Variants in RORA observed in about 807,000 individuals in gnomAD.
The protein encoded by RORA is RAR related orphan receptor A.
Under a neutral mutation model 69.5 loss-of-function variants are expected in RORA, and 7 were observed. That is an observed-to-expected ratio of 0.10 (90% CI 0.06 to 0.19). The LOEUF is 0.19. Ranked by LOEUF, RORA falls within the 10% of genes least tolerant of loss-of-function variation. RORA has a pLI of 1.00. For synonymous variants in RORA, 261 were observed against 240.8 expected, an observed-to-expected ratio of 1.08 and a Z score of -0.78; for missense variants, 457 against 663.0, an observed-to-expected ratio of 0.69 and a Z score of 3.41.
chr15:60,512,390 G>A (rs192915178), intron 4 of RORA, among the ~76,000 whole-genome samples: 4 of 152,244 alleles, frequency 2.6e-5, no homozygotes, highest in Admixed American at 2.0e-4. Flanking sequence ...AGGTTTGAGC[G>A]ATCCTCCCGC....
At position 60,946,649 on chromosome 15, in the gene RORA, T is replaced by C. The variant is rs571420506; in HGVS notation, c.167-267963A>G. On this transcript the variant is annotated intron_variant, in intron 1 of 10. Coordinates refer to ENST00000335670, the MANE Select transcript of RORA (RefSeq NM_134261.3). The stretch of plus-strand genomic sequence containing the variant: ...CCACCTCCCAGCCGCCTGCCTTGGC[T>C]TCCCAAAGTGCCCAGATTGCAGCCT... Among the ~76,000 whole-genome samples the C allele has an allele frequency of 7.9e-5, 12 of 152,296 alleles. No individual in the cohort carries two copies. The East Asian group carries it at 2.1e-3, about 27-fold the overall frequency.
chr15:60,574,860 A>G (rs561537467), intron 2 of RORA, among the ~76,000 whole-genome samples: 1 of 152,212 alleles, frequency 6.6e-6, no homozygotes, highest in African/African-American at 2.4e-5. Flanking sequence ...AAATTTCCAG[A>G]TCCATGCTTG....
intron 1 of RORA, among the ~76,000 whole-genome samples, chr15:61,077,486 G>A (rs146907228): frequency 7.2e-4 from 110 of 152,180 alleles, no homozygotes; most frequent in African/African-American, 2.5e-3. Context: ...GGTTATGAAC[G>A]TGAAAGGCAG....
At chr15:61,136,321 G>A (rs2079239800) in intron 1 of RORA, among the ~76,000 whole-genome samples, 2 of 152,086 alleles carry the variant, frequency 1.3e-5, no homozygotes, top group Non-Finnish European at 1.5e-5. Flanking sequence ...ATGTGATGCT[G>A]ACAGGCACTG....
At chr15:60,678,605 C>T (rs910888562) in intron 2 of RORA, 52 bp downstream of exon 2, 87 of 1,383,694 alleles carry the variant, frequency 6.3e-5, no homozygotes, top group East Asian at 9.1e-5. Context: ...CAGACATATG[C>T]GAATTCCAAC....
intron 2 of RORA, chr15:60,558,475 T>A: frequency 3.7e-6 from 2 of 537,296 alleles, no homozygotes; most frequent in Non-Finnish European, 6.6e-6. Flanking sequence ...TGACTGAATA[T>A]TTTTGTTGGG....
chr15:60,928,143 A>C lies in RORA; in HGVS notation c.167-249457T>G, dbSNP rs1892271156. 2.6e-5 allele frequency among the ~76,000 whole-genome samples: 4 copies of C among 152,270 alleles called. No individual in the cohort carries two copies. In the South Asian group the frequency reaches 6.2e-4, roughly 24 times the overall value. On this transcript the variant is annotated intron_variant, in intron 1 of 10. Coordinates refer to ENST00000335670, the MANE Select transcript of RORA (RefSeq NM_134261.3). The stretch of plus-strand genomic sequence containing the variant: ...TGCCCTGCCCATATCTTTTCCCTGA[A>C]TAAATCCCTTTAAATGTTCCTCATA...
At chr15:61,181,994 A>G (rs1203941579) in intron 1 of RORA, among the ~76,000 whole-genome samples, 1 of 152,202 alleles carries the variant, frequency 6.6e-6, no homozygotes, top group African/African-American at 2.4e-5. Flanking sequence ...GAAAATAGCA[A>G]TTTATTTCTC....
chr15:60,782,259 C>T (rs1368307296), intron 1 of RORA, among the ~76,000 whole-genome samples: 5 of 152,024 alleles, frequency 3.3e-5, no homozygotes, highest in Non-Finnish European at 7.4e-5. Context: ...GCCCGTTGCA[C>T]GACTGTTTTC....
At chr15:60,839,149 C>T (rs1036683339) in intron 1 of RORA, among the ~76,000 whole-genome samples, 1 of 152,100 alleles carries the variant, frequency 6.6e-6, no homozygotes, top group Non-Finnish European at 1.5e-5. Context: ...CCACCTGCCT[C>T]GGCCTCCCAA....
At chr15:60,748,962 A>T (rs934892616) in intron 1 of RORA, among the ~76,000 whole-genome samples, 6 of 152,204 alleles carry the variant, frequency 3.9e-5, no homozygotes, top group Non-Finnish European at 8.8e-5. Context: ...AGTGATTGTC[A>T]ATATTTTGTA....
intron 1 of RORA, among the ~76,000 whole-genome samples, chr15:60,927,624 A>G (rs1011338780): frequency 6.6e-6 from 1 of 152,242 alleles, no homozygotes; most frequent in East Asian, 1.9e-4. Context: ...AATACAAAAA[A>G]TTAGCTGGGT....
intron 1 of RORA, among the ~76,000 whole-genome samples, chr15:61,108,951 C>A (rs146230730): frequency 1.8e-4 from 27 of 152,246 alleles, no homozygotes; most frequent in Non-Finnish European, 3.2e-4. Flanking sequence ...GTAATCCCAG[C>A]GCTTTGGGAG....
chr15:60,505,721 A>G, intron 5 of RORA, 92 bp from the exon 6 acceptor site: 1 of 1,436,362 alleles, frequency 7.0e-7, no homozygotes, highest in South Asian at 1.2e-5. Context: ...AACAAGTAGA[A>G]AACAATGTGC....
chr15:60,939,488 T>A (rs1892623920), intron 1 of RORA, among the ~76,000 whole-genome samples: 1 of 152,210 alleles, frequency 6.6e-6, no homozygotes, highest in Non-Finnish European at 1.5e-5. Context: ...GAGGTACCTG[T>A]GATAATCAAT....
intron 2 of RORA, 150 bp downstream of exon 2, chr15:60,678,507 C>G (rs1348273927): frequency 6.0e-6 from 4 of 661,632 alleles, no homozygotes; most frequent in Non-Finnish European, 1.1e-5. Context: ...TGTGCCACTT[C>G]CGACCACTAC....
chr15:60,525,940 A>C (rs988341659), intron 3 of RORA, among the ~76,000 whole-genome samples: 1 of 152,160 alleles, frequency 6.6e-6, no homozygotes, highest in Admixed American at 6.5e-5. Context: ...GGGGAAAAAG[A>C]GGATAACTTC....
chr15:60,678,881 C>T (rs968938682), intron 1 of RORA, among the ~76,000 whole-genome samples, 195 bp from the exon 2 acceptor site: 3 of 152,142 alleles, frequency 2.0e-5, no homozygotes, highest in Non-Finnish European at 4.4e-5. Flanking sequence ...GAGGCAGCGA[C>T]CATCACCTCC....
intron 1 of RORA, among the ~76,000 whole-genome samples, chr15:61,175,076 A>G (rs2079616209): frequency 6.6e-6 from 1 of 152,218 alleles, no homozygotes; most frequent in African/African-American, 2.4e-5. Context: ...AAGTGAAAGA[A>G]GGAAAGTCTC....
Sources: allele counts gnomAD v4.1 joint callset (sites outside exome capture counted in the v4.1 genomes callset), GRCh38; gene constraint gnomAD v4.1.1; transcripts MANE v1.5; gene names NCBI Gene and HGNC (gene_info 2026-07-23, HGNC 2026-07-21).